RBM42: variants seen among roughly 807,000 people sequenced by gnomAD.
RBM42 encodes the protein RNA-binding protein 42.
Under a neutral mutation model 41.4 loss-of-function variants are expected in RBM42, and 21 were observed. The observed-to-expected ratio is 0.51, with a 90% CI of 0.36 to 0.73. The LOEUF (loss-of-function observed/expected upper bound fraction) is 0.73, where lower values mean the gene tolerates loss of function less well. RBM42 is among the 30% of genes least tolerant of loss of function. The pLI, the probability that RBM42 is intolerant of heterozygous loss-of-function variation, is 0.00. For synonymous variants in RBM42, 272 were observed against 271.2 expected (o/e 1.00, Z -0.03); for missense variants, 539 against 680.4 (o/e 0.79, Z 2.31).
intron 8 of RBM42, among the ~76,000 whole-genome samples, chr19:35,636,222 A>G (rs1967497126): frequency 6.8e-6 from 1 of 146,452 alleles, no homozygotes; most frequent in South Asian, 2.1e-4. Context: ...GCAGTGGTGT[A>G]ATCTTGGCTC....
At chr19:35,633,339 C>T (rs1303993480) in intron 6 of RBM42, 87 bp downstream of exon 6, 7 of 1,079,296 alleles carry the variant, frequency 6.5e-6, no homozygotes, top group Non-Finnish European at 9.3e-6. Flanking sequence ...TCTGAGTTGG[C>T]CTCTCTCCTG....
chr19:35,629,370 A>G, intron 1 of RBM42, 89 bp downstream of exon 1: 1 of 1,502,808 alleles, frequency 6.7e-7, no homozygotes, highest in Non-Finnish European at 8.9e-7. Context: ...GGCCGGAGAT[A>G]CGGCTCTAAC....
Position 35,633,882 on chromosome 19 carries a change from G to A in RBM42, c.880G>A (p.Glu294Lys), listed in dbSNP as rs375959280. 22 of 1,593,990 alleles carry A rather than the reference G, an allele frequency of 1.4e-5. No homozygotes were observed. Among genetic ancestry groups the A allele is most frequent in the Non-Finnish European group, 1.8e-5 (21 of 1,174,298 alleles). ...LPLALAMPLP[E>K]PEPLPLPLEV... ...GCTGGCCCTGGCCATGCCATTGCCC[G>A]AGCCTGAGCCCCTGCCCCTCCCGTT... Residue 294 changes from glutamate (E) to lysine (K), a missense_variant, in exon 7 of 10, where the codon GAG becomes AAG. By Grantham distance (56) the Glu-to-Lys change is moderately conservative (BLOSUM62 1). Coordinates refer to ENST00000262633, the MANE Select transcript of RBM42 (RefSeq NM_024321.5).
chr19:35,633,374 C>A, intron 6 of RBM42, 122 bp downstream of exon 6: 2 of 824,550 alleles, frequency 2.4e-6, no homozygotes, highest in Non-Finnish European at 3.8e-6. Flanking sequence ...TACCTTCTCA[C>A]TCTGCCTTTG....
At chr19:35,631,625 C>G in intron 4 of RBM42, 1 of 591,150 alleles carries the variant, frequency 1.7e-6, no homozygotes. Context: ...GTCCTAATTC[C>G]CAGTTACCAC....
rs543634995 is a variant in RBM42 at position 35,630,737 on chromosome 19, G to A, written c.283-403G>A. Among the ~76,000 whole-genome samples the A allele has an allele frequency of 7.2e-5, 11 of 152,296 alleles. No homozygotes were observed. In the East Asian group the frequency reaches 1.7e-3, roughly 24 times the overall value. The stretch of plus-strand genomic sequence containing the variant: ...GCCAAGCTCGTGCCACTGCACTCCA[G>A]CCTGGACAATAGAGCGAGACTCCGT... On this transcript the variant is annotated intron_variant, in intron 2 of 9. Transcript: ENST00000262633.
At chr19:35,630,915 A>G (rs1207288819) in intron 2 of RBM42, among the ~76,000 whole-genome samples, 1 of 152,128 alleles carries the variant, frequency 6.6e-6, no homozygotes, top group Admixed American at 6.6e-5. Flanking sequence ...AGTGGGTGCT[A>G]AGTGCTGTGG....
Position 35,637,632 on chromosome 19 carries a change from G to A in RBM42, c.*78G>A. 1.8e-6 allele frequency: 2 copies of A among 1,112,388 alleles called. No homozygotes were observed. Among genetic ancestry groups the A allele is most frequent in the Non-Finnish European group, 2.6e-6 (2 of 758,782 alleles). The allele number at this position is 1,112,388 out of a possible 1,614,324, so 68.9% of individuals were successfully genotyped here. ...AGTTCTCTTTGGAAAACCCCCAGCT[G>A]TCCACCCATCCCCTGCCCCAAAACC... On this transcript the variant is annotated 3_prime_UTR_variant, in exon 10 of 10. Transcript: ENST00000262633. This position sits in a 1 kb window ranked among gnomAD's most constrained non-coding sequence, Gnocchi z 7.0.
rs537831152 is a variant in RBM42 at position 35,632,670 on chromosome 19, G to A, written c.443-266G>A. Among the ~76,000 whole-genome samples the A allele has an allele frequency of 2.0e-5, 3 of 152,022 alleles. No homozygotes were observed. The East Asian group carries it at 5.8e-4, about 30-fold the overall frequency. On this transcript the variant is annotated intron_variant, in intron 4 of 9. Coordinates refer to ENST00000262633, the MANE Select transcript of RBM42 (RefSeq NM_024321.5). Reference sequence around the variant, plus strand: ...GATGTCTCCATTCCCTCCTCCTCTGGACCAGGAGCTCCCTGAGAACCCTGG... The same window carrying A: ...GATGTCTCCATTCCCTCCTCCTCTGAACCAGGAGCTCCCTGAGAACCCTGG...
Position 35,637,365 on chromosome 19 carries a change from TC to T in RBM42, c.1330+17del. On this transcript the variant is annotated intron_variant, in intron 9 of 9. Coordinates refer to ENST00000262633, the MANE Select transcript of RBM42 (RefSeq NM_024321.5). This position sits in a 1 kb window ranked among gnomAD's most constrained non-coding sequence, Gnocchi z 7.0. ...CGTGAGATGAATGGTGGGTGCGGCC[TC>T]CCCTGGGAACTGCAGGCGCGGCAGG... 1 of 1,613,888 alleles carries T rather than the reference TC, an allele frequency of 6.2e-7. No homozygotes were observed. The highest frequency in any genetic ancestry group is 8.5e-7 in the Non-Finnish European group (1 of 1,179,780).
intron 4 of RBM42, chr19:35,631,766 C>T (rs1222631512): frequency 3.4e-6 from 1 of 295,774 alleles, no homozygotes; most frequent in Non-Finnish European, 6.4e-6. Flanking sequence ...GCATTATGTA[C>T]TGTCTGTTGA....
chr19:35,634,075 C>A (rs149464644), intron 7 of RBM42, 56 bp downstream of exon 7: 21,957 of 1,473,306 alleles, frequency 0.015, 208 homozygotes, highest in Non-Finnish European at 0.017. Flanking sequence ...AGACAGGAGC[C>A]CAGGAACTTC....
rs2146347506 is a variant in RBM42 at position 35,629,228 on chromosome 19, C to G, written c.75C>G (p.Ile25Met). The G allele has an allele frequency of 6.5e-7, 1 of 1,537,712 alleles. No individual in the cohort carries two copies. Among genetic ancestry groups the G allele is most frequent in the Non-Finnish European group, 8.7e-7 (1 of 1,144,916 alleles). The change falls in exon 1 of 10, where the codon ATC becomes ATG. Residue 25 changes from isoleucine (I) to methionine (M), a missense_variant. Ile to Met is a conservative substitution (Grantham distance 10). Coordinates refer to ENST00000262633, the MANE Select transcript of RBM42 (RefSeq NM_024321.5). The part of the protein sequence containing the change: ...GPVVPGPGAG[I>M]PGKSGEERLK... ...TGGTCCCGGGTCCTGGCGCTGGCATCCCGGGCAAAAGCGGCGAGGAACGCT... is the reference window on the plus strand; with the variant it reads ...TGGTCCCGGGTCCTGGCGCTGGCATGCCGGGCAAAAGCGGCGAGGAACGCT...
In RBM42 at chr19:35,633,670, T is replaced by TGCCACCAATGG. The variant is rs2146351434; in HGVS notation, c.685-17_685-16insGCCACCAATGG. 1 of 1,422,480 alleles carries TGCCACCAATGG rather than the reference T, an allele frequency of 7.0e-7. No individual in the cohort carries two copies. The highest frequency in any genetic ancestry group is 2.7e-5 in the East Asian group (1 of 36,456). The allele number at this position is 1,422,480 out of a possible 1,614,324, so 88.1% of individuals were successfully genotyped here. ...GCCTGTGAGCCGGCCCCCCTCATGC[T>TGCCACCAATGG]CTCCTCTTACCCACAGGAAGAGCCA... On this transcript the variant is annotated splice_polypyrimidine_tract_variant and intron_variant, in intron 6 of 9. Coordinates refer to ENST00000262633, the MANE Select transcript of RBM42 (RefSeq NM_024321.5).
chr19:35,632,421 A>G (rs1465297096), intron 4 of RBM42, among the ~76,000 whole-genome samples: 1 of 152,218 alleles, frequency 6.6e-6, no homozygotes, highest in African/African-American at 2.4e-5. Context: ...CTAAACTGAA[A>G]AGGGAAAGGT....
intron 7 of RBM42, 97 bp downstream of exon 7, chr19:35,634,116 T>C: frequency 6.6e-7 from 1 of 1,515,048 alleles, no homozygotes; most frequent in Non-Finnish European, 8.9e-7. Flanking sequence ...CAGGAGGACC[T>C]GGGGGAGGGA....
Position 35,633,839 on chromosome 19 carries a change from C to T in RBM42, c.837C>T (p.Val279=). 6.4e-7 allele frequency: 1 copy of T among 1,557,906 alleles called. No individual in the cohort carries two copies. The highest frequency in any genetic ancestry group is 8.6e-7 in the Non-Finnish European group (1 of 1,156,408). The change falls in exon 7 of 10, where the codon GTC becomes GTT. Residue 279 remains valine (V), a synonymous_variant. Coordinates refer to ENST00000262633, the MANE Select transcript of RBM42 (RefSeq NM_024321.5). ...GAGGTGCCCCAGCTGGCCCTGCAGT[C>T]ATTGGGCCCAGCCTGCCGCTGGCCC... ...GAGGAPAGPA[V]IGPSLPLALA...
chr19:35,632,731 G>C (rs904986301), intron 4 of RBM42, among the ~76,000 whole-genome samples: 1 of 152,086 alleles, frequency 6.6e-6, no homozygotes, highest in African/African-American at 2.4e-5. Flanking sequence ...CCTGCCACAG[G>C]GCTGAGCCAG....
At position 35,634,007 on chromosome 19, in the gene RBM42, C is replaced by T. The variant is rs756820270; in HGVS notation, c.1005C>T (p.Leu335=). ...RPPRPEPPPG[L]MALEVPEPLG... is the part of the protein sequence containing the mutation. ...CTCGGCCAGAGCCACCCCCAGGCCT[C>T]ATGGCTCTTGAGGTAAGCAGGGAGC... Residue 335 remains leucine, a synonymous_variant, in exon 7 of 10, where the codon CTC becomes CTT. Coordinates refer to ENST00000262633, the MANE Select transcript of RBM42 (RefSeq NM_024321.5). 6 of 1,514,144 alleles carry T rather than the reference C, an allele frequency of 4.0e-6. No individual in the cohort carries two copies. The Admixed American group carries it at 1.1e-4, about 27-fold the overall frequency. 93.8% of individuals were successfully genotyped at this position (1,514,144 alleles called of 1,614,324 possible). A position where few individuals can be genotyped will look rare whatever the true frequency, so the allele number is the denominator to read the frequency against.
Sources: allele counts gnomAD v4.1 joint callset (sites outside exome capture counted in the v4.1 genomes callset), GRCh38; gene constraint gnomAD v4.1.1; non-coding constraint Gnocchi (gnomAD v3.1); transcripts MANE v1.5; gene names NCBI Gene and HGNC (gene_info 2026-07-23, HGNC 2026-07-21).